ESR2: variants seen among roughly 807,000 people sequenced by gnomAD.
ESR2 encodes estrogen receptor 2.
Under a neutral mutation model 49.6 loss-of-function variants are expected in ESR2, and 36 were observed. The ratio of observed to expected loss-of-function variants is 0.73; its 90% CI spans 0.56 to 0.96. ESR2 has a LOEUF of 0.96. Among genes scored for constraint, ESR2 ranks in the 40% least tolerant of loss-of-function variants. The pLI is 0.00. For synonymous variants in ESR2, 320 were observed against 266.1 expected (o/e 1.20, Z -1.97); for missense variants, 714 against 693.0 (o/e 1.03, Z -0.34).
intron 1 of ESR2, among the ~76,000 whole-genome samples, chr14:64,290,745 ATTAAT>A (rs1189513141): frequency 4.6e-5 from 7 of 152,322 alleles, no homozygotes; most frequent in African/African-American, 1.2e-4. Flanking sequence ...AAGGCCCTCA[ATTAAT>A]TTAATATTAG....
rs2098728291 is a variant in ESR2 at position 64,232,605 on chromosome 14, A to G, written c.*532T>C. 6.5e-6 allele frequency: 1 copy of G among 153,064 alleles called. No homozygotes were observed. Among genetic ancestry groups the G allele is most frequent in the Non-Finnish European group, 1.5e-5 (1 of 68,620 alleles). The allele number at this position is 153,064 out of a possible 1,614,324, so 9.5% of individuals were successfully genotyped here. A position where few individuals can be genotyped will look rare whatever the true frequency, so the allele number is the denominator to read the frequency against. On this transcript the variant is annotated 3_prime_UTR_variant, in exon 9 of 9. Transcript: ENST00000341099. ...CCTTTGACAGAATAAGCATCATATG[A>G]TATGATCAGTCCCCACAGGCCTGGG...
intron 1 of ESR2, among the ~76,000 whole-genome samples, chr14:64,331,584 T>A (rs897626762): frequency 1.3e-5 from 2 of 152,150 alleles, no homozygotes; most frequent in Non-Finnish European, 2.9e-5. Flanking sequence ...CCCAGCACTT[T>A]CGGAGGCCGA....
chr14:64,287,794 G>C (rs1484827595), intron 1 of ESR2, among the ~76,000 whole-genome samples: 1 of 152,164 alleles, frequency 6.6e-6, no homozygotes, highest in East Asian at 1.9e-4. Context: ...ACTGGTCAAA[G>C]GAAAGACTCC....
chr14:64,277,850 TC>T (rs1188911254), intron 3 of ESR2, among the ~76,000 whole-genome samples: 2 of 152,082 alleles, frequency 1.3e-5, no homozygotes, highest in African/African-American at 4.8e-5. Context: ...AATTTGACAT[TC>T]CTGTCTGATG....
chr14:64,310,282 C>CAAAAAAAAAAAAAAAAAAAAA (rs35325527), intron 1 of ESR2, among the ~76,000 whole-genome samples: 6 of 109,124 alleles, frequency 5.5e-5, no homozygotes, highest in African/African-American at 2.7e-4. Context: ...GACGTCGTCT[C>CAAAAAAAAAAAAAAAAAAAAA]AAAAAATAAT....
At chr14:64,296,512 C>T (rs1415216759), upstream of ESR2, among the ~76,000 whole-genome samples, 1 of 152,200 alleles carries the variant, frequency 6.6e-6, no homozygotes, top group Non-Finnish European at 1.5e-5. Context: ...GGTTAAACAA[C>T]CTCCCTATGG....
rs184399748 is a variant in ESR2, at chr14:64,326,440, A to C, written c.-91+11458T>G. On this transcript the variant is annotated intron_variant, in intron 1 of 8. Transcript: ENST00000358599. ...TGCCCTACACCTACACTCATTTATT[A>C]TTTAATTATTTATTATTCTAATATT... Among the ~76,000 whole-genome samples the C allele has an allele frequency of 6.3e-4, 96 of 152,252 alleles. No homozygotes were observed. The East Asian group carries it at 0.01, about 16-fold the overall frequency.
rs1158481852 is a variant in ESR2, at chr14:64,229,230, A to T, written c.*3907T>A. On this transcript the variant is annotated 3_prime_UTR_variant, in exon 9 of 9. Transcript: ENST00000341099. ...ATGGGATCTAAAGGTACAGCAGAAG[A>T]CAACCCTAACTTCACCGCCCCTCCA... Among the ~76,000 whole-genome samples the T allele has an allele frequency of 6.6e-6, 1 of 152,162 alleles. No homozygotes were observed. The highest frequency in any genetic ancestry group is 1.5e-5 in the Non-Finnish European group (1 of 68,014).
In ESR2 at chr14:64,257,370, G is replaced by GA. The variant is rs1240235750; in HGVS notation, c.953-7dup. The GA allele has an allele frequency of 1.2e-6, 2 of 1,612,434 alleles. No homozygotes were observed. The highest frequency in any genetic ancestry group is 3.3e-5 in the Admixed American group (2 of 60,006). ...CAGGCTGAGCTCCACAAAGCCTGGGGAAAGCAAGAGGCGGTGAGACACCCC... is the reference window on the plus strand; with the variant it reads ...CAGGCTGAGCTCCACAAAGCCTGGGGAAAAGCAAGAGGCGGTGAGACACCCC... On this transcript the variant is annotated splice_region_variant and splice_polypyrimidine_tract_variant and intron_variant, in intron 5 of 8. Coordinates refer to ENST00000341099, the MANE Select transcript of ESR2 (RefSeq NM_001437.3).
At chr14:64,280,211 C>A in intron 2 of ESR2, 58 bp from the exon 3 acceptor site, 3 of 1,248,636 alleles carry the variant, frequency 2.4e-6, no homozygotes, top group Admixed American at 2.2e-5. Flanking sequence ...GAAGGGCTTT[C>A]TAGGAAAAAA....
In ESR2 at chr14:64,231,818, T is replaced by A. The variant is rs1356822393; in HGVS notation, c.*1319A>T. 6.6e-6 allele frequency: 1 copy of A among 152,220 alleles called. No individual in the cohort carries two copies. The highest frequency in any genetic ancestry group is 6.5e-5 in the Admixed American group (1 of 15,284). 9.4% of individuals were successfully genotyped at this position (152,220 alleles called of 1,614,324 possible). On this transcript the variant is annotated 3_prime_UTR_variant, in exon 9 of 9. Transcript: ENST00000341099. ...TACATATTCACCGTGTATCCAAAACTGGAAATTTCACATCTTTTAAAAGGT... is the reference window on the plus strand; with the variant it reads ...TACATATTCACCGTGTATCCAAAACAGGAAATTTCACATCTTTTAAAAGGT...
chr14:64,282,497 G>A (rs2076695294), intron 2 of ESR2, 127 bp downstream of exon 2: 3 of 994,112 alleles, frequency 3.0e-6, no homozygotes, highest in Non-Finnish European at 4.4e-6. Context: ...TGTTTTGGGT[G>A]CTGTAAGTAA....
In ESR2 at chr14:64,241,382, G is replaced by A. The variant is rs796957833; in HGVS notation, c.1226-6232C>T. On this transcript the variant is annotated intron_variant, in intron 7 of 8. Coordinates refer to ENST00000341099, the MANE Select transcript of ESR2 (RefSeq NM_001437.3). ...CAATACCACATTATCTTCTAAATCA[G>A]GTAGTGTAAGTCCTCCCAGTTTGTT... Among the ~76,000 whole-genome samples the A allele has an allele frequency of 1.7e-4, 26 of 152,150 alleles. 1 individual carries two copies. The highest frequency in any genetic ancestry group is 6.3e-4 in the African/African-American group (26 of 41,510).
At chr14:64,310,705 C>T (rs975482095) in intron 1 of ESR2, among the ~76,000 whole-genome samples, 3 of 151,958 alleles carry the variant, frequency 2.0e-5, no homozygotes, top group Non-Finnish European at 4.4e-5. Context: ...CTCCTGACCT[C>T]GTGATCTGCC....
chr14:64,262,183 C>T (rs140688121), intron 4 of ESR2, among the ~76,000 whole-genome samples: 216 of 148,290 alleles, frequency 1.5e-3, no homozygotes, highest in Non-Finnish European at 2.8e-3. Flanking sequence ...GTCATGATCA[C>T]AGCTCACTGC....
intron 1 of ESR2, among the ~76,000 whole-genome samples, chr14:64,285,583 T>G (rs1174471218): frequency 6.6e-6 from 1 of 152,040 alleles, no homozygotes; most frequent in Non-Finnish European, 1.5e-5. Context: ...ATCTCAGCAC[T>G]TTGGGAGGCC....
At chr14:64,298,501 T>G (rs533548959), upstream of ESR2, 43 of 150,608 alleles carry the variant, frequency 2.9e-4, no homozygotes, top group African/African-American at 9.9e-4. Context: ...AATGAAATGT[T>G]GTCAATTTCT....
intron 1 of ESR2, chr14:64,329,561 T>A (rs2077429101): frequency 6.6e-6 from 1 of 151,572 alleles, no homozygotes; most frequent in Admixed American, 6.6e-5. Flanking sequence ...GGCAGATGGA[T>A]CACTTGAGCT....
At chr14:64,310,290 AAT>A (rs1567795714) in intron 1 of ESR2, among the ~76,000 whole-genome samples, 16 of 126,340 alleles carry the variant, frequency 1.3e-4, no homozygotes, top group African/African-American at 4.5e-4. Context: ...CTCAAAAAAT[AAT>A]AATAATAATA....
Sources: gnomAD v4.1 joint callset for allele counts (sites outside exome capture counted in the v4.1 genomes callset) on GRCh38, gnomAD v4.1.1 for gene constraint, MANE v1.5 for transcripts, NCBI Gene and HGNC (gene_info 2026-07-23, HGNC 2026-07-21) for gene names.